TOR1AIP2: variants seen among roughly 807,000 people sequenced by gnomAD.
TOR1AIP2 encodes torsin 1A interacting protein 2, also known as torsin-1A-interacting protein 2.
A neutral mutation model predicts 32.6 loss-of-function variants in TOR1AIP2; 20 were observed. The observed-to-expected ratio is 0.61, with a 90% CI of 0.43 to 0.89. The LOEUF (loss-of-function observed/expected upper bound fraction) is 0.89. TOR1AIP2 is among the 40% of genes least tolerant of loss of function. TOR1AIP2 has a pLI of 0.00. For synonymous variants in TOR1AIP2, 214 were observed against 210.8 expected, an observed-to-expected ratio of 1.02 and a Z score of -0.13; for missense variants, 456 against 553.8, an observed-to-expected ratio of 0.82 and a Z score of 1.77.
In TOR1AIP2 at chr1:179,866,639, A is replaced by C. The variant is rs527326714; in HGVS notation, c.-565-785T>G. On this transcript the variant is annotated intron_variant, in intron 2 of 6. Transcript: ENST00000609928. The stretch of plus-strand genomic sequence containing the variant: ...AGGCTGGTCTCGAACTCCCGACCTC[A>C]GGTGATCCGCCCACCTTGGTTTCCC... 2.0e-5 allele frequency among the ~76,000 whole-genome samples: 3 copies of C among 152,282 alleles called. No homozygotes were observed. The South Asian group carries it at 6.2e-4, about 32-fold the overall frequency.
Position 179,846,624 on chromosome 1 carries a change from G to A in TOR1AIP2, c.860C>T (p.Ala287Val). 1 of 1,614,124 alleles carries A rather than the reference G, an allele frequency of 6.2e-7. No homozygotes were observed. Among genetic ancestry groups the A allele is most frequent in the Non-Finnish European group, 8.5e-7 (1 of 1,179,982 alleles). ...GRKFLQKHLN[A>V]SNPTEPATII... ...GGTGGCTGGCTCAGTGGGGTTGGAAGCATTGAGGTGCTTCTGGAGAAACTT... is the reference window on the plus strand; with the variant it reads ...GGTGGCTGGCTCAGTGGGGTTGGAAACATTGAGGTGCTTCTGGAGAAACTT... The change falls in exon 7 of 7, where the codon GCT becomes GTT. Residue 287 changes from alanine (A) to valine (V), a missense_variant. Ala to Val is a moderately conservative substitution (Grantham distance 64). Transcript: ENST00000609928.
rs2148439342 is a variant in TOR1AIP2, at chr1:179,859,118, T to C, written c.-146-6307A>G. 6.1e-6 allele frequency: 6 copies of C among 985,306 alleles called. No individual in the cohort carries two copies. In the South Asian group the frequency reaches 2.8e-4, roughly 46 times the overall value. The allele number at this position is 985,306 out of a possible 1,614,324, so 61.0% of individuals were successfully genotyped here. A position where few individuals can be genotyped will look rare whatever the true frequency, so the allele number is the denominator to read the frequency against. The stretch of plus-strand genomic sequence containing the variant: ...GGCTCTAGGGATAAAAAGAAACTGG[T>C]ATCTTGGCCCTGAAACAAGTAGTTA... On this transcript the variant is annotated intron_variant, in intron 3 of 6. Transcript: ENST00000609928.
chr1:179,858,822 C>A (rs962312664), intron 3 of TOR1AIP2, among the ~76,000 whole-genome samples: 1 of 152,012 alleles, frequency 6.6e-6, no homozygotes, highest in African/African-American at 2.4e-5. Flanking sequence ...ATTGCCATGG[C>A]GACCAGTGAA....
chr1:179,864,925 T>C lies in TOR1AIP2; in HGVS notation c.-147+511A>G, dbSNP rs189835019. ...GACCCAGAAGAAATGGATGGCAAGC[T>C]TTCTCAAAGGTCCATCTGGTGAGAT... On this transcript the variant is annotated intron_variant, in intron 3 of 6. Transcript: ENST00000609928. The C allele has an allele frequency of 7.1e-3, 11,476 of 1,614,050 alleles. 59 individuals are homozygous for C. Among genetic ancestry groups the C allele is most frequent in the Non-Finnish European group, 8.8e-3 (10,334 of 1,179,890 alleles).
At chr1:179,850,484 G>T (rs1416742320) in intron 5 of TOR1AIP2, among the ~76,000 whole-genome samples, 1 of 152,154 alleles carries the variant, frequency 6.6e-6, no homozygotes, top group Non-Finnish European at 1.5e-5. Context: ...AAAAGTAAAA[G>T]ATTTTAAAAA....
intron 3 of TOR1AIP2, chr1:179,862,593 T>C (rs996928662): frequency 3.2e-5 from 32 of 985,308 alleles, no homozygotes; most frequent in Non-Finnish European, 3.9e-5. Flanking sequence ...AAGTATGATT[T>C]GTTGCACACC....
chr1:179,876,072 C>G (rs902782787), intron 2 of TOR1AIP2: 5 of 152,144 alleles, frequency 3.3e-5, no homozygotes, highest in Middle Eastern at 3.2e-3. Context: ...TGGGCCTTCA[C>G]AGTTGACTTA....
rs397754674 is a variant in TOR1AIP2 at position 179,843,820 on chromosome 1, CAAAAAAAAAAA to C, written c.*2240_*2250del. On this transcript the variant is annotated 3_prime_UTR_variant, in exon 7 of 7. Transcript: ENST00000609928. ...TGGGAGTCAGAGTGAGACTCCATCT[CAAAAAAAAAAA>C]AAAAAAAAAAAGACTTTTGAAATAG... 1.8e-5 allele frequency: 1 copy of C among 55,500 alleles called. No individual in the cohort carries two copies. The highest frequency in any genetic ancestry group is 2.2e-4 in the Admixed American group (1 of 4,570). 3.4% of individuals were successfully genotyped at this position (55,500 alleles called of 1,614,324 possible). A position where few individuals can be genotyped will look rare whatever the true frequency, so the allele number is the denominator to read the frequency against.
At chr1:179,870,166 G>A (rs1290249080) in intron 2 of TOR1AIP2, among the ~76,000 whole-genome samples, 2 of 152,218 alleles carry the variant, frequency 1.3e-5, no homozygotes, top group Non-Finnish European at 1.5e-5. Flanking sequence ...GGAGGCCAAG[G>A]CGGGTGGATC....
rs1318797934 is a variant in TOR1AIP2, at chr1:179,841,274, G to T, written c.*4797C>A. 1 of 152,114 alleles carries T rather than the reference G, an allele frequency of 6.6e-6. No homozygotes were observed. Among genetic ancestry groups the T allele is most frequent in the African/African-American group, 2.4e-5 (1 of 41,400 alleles). The allele number at this position is 152,114 out of a possible 1,614,324, so 9.4% of individuals were successfully genotyped here. A position where few individuals can be genotyped will look rare whatever the true frequency, so the allele number is the denominator to read the frequency against. ...CTTCTCAACAAATACATTTTAAAAT[G>T]AAATATGCTCAGGCTGATAAACAAA... On this transcript the variant is annotated 3_prime_UTR_variant, in exon 7 of 7. Transcript: ENST00000609928.
At chr1:179,865,074 A>G (rs1696714121) in intron 3 of TOR1AIP2, 8 of 1,613,954 alleles carry the variant, frequency 5.0e-6, no homozygotes, top group African/African-American at 1.3e-5. Context: ...ACCTGGTAAC[A>G]TTCATTTTCA....
rs145718984 is a variant in TOR1AIP2 at position 179,843,212 on chromosome 1, A to T, written c.*2859T>A. 0.011 allele frequency: 1,619 copies of T among 152,264 alleles called. 16 individuals carry two copies. Among genetic ancestry groups the T allele is most frequent in the Middle Eastern group, 0.044 (13 of 294 alleles). The allele number at this position is 152,264 out of a possible 1,614,324, so 9.4% of individuals were successfully genotyped here. A position where few individuals can be genotyped will look rare whatever the true frequency, so the allele number is the denominator to read the frequency against. ...GAGCTAATATACTGCTTCTTTTAAA[A>T]ATGATTTTTGAGGCCAGGTGCAGTG... On this transcript the variant is annotated 3_prime_UTR_variant, in exon 7 of 7. Coordinates refer to ENST00000609928, the MANE Select transcript of TOR1AIP2 (RefSeq NM_001199260.2).
chr1:179,869,380 G>A (rs1336622326), intron 2 of TOR1AIP2, among the ~76,000 whole-genome samples: 3 of 152,142 alleles, frequency 2.0e-5, no homozygotes, highest in African/African-American at 7.2e-5. Flanking sequence ...GGCATTCAAA[G>A]AATTTCAAAG....
At chr1:179,864,035 G>A (rs1187815815) in intron 3 of TOR1AIP2, 1 of 985,274 alleles carries the variant, frequency 1.0e-6, no homozygotes, top group Non-Finnish European at 1.2e-6. Flanking sequence ...ATTTCCAGGG[G>A]AGGACGTTGT....
In TOR1AIP2 at chr1:179,865,249, C is replaced by T. The variant is rs1353938369; in HGVS notation, c.-147+187G>A. 7 of 1,506,588 alleles carry T rather than the reference C, an allele frequency of 4.6e-6. No individual in the cohort carries two copies. The Admixed American group carries it at 1.1e-4, about 24-fold the overall frequency. The allele number at this position is 1,506,588 out of a possible 1,614,324, so 93.3% of individuals were successfully genotyped here. ...ACAGTGACAGAGAGAGACGCCCAAA[C>T]ACCAGTCCTATTACAGGTTTCGTTT... On this transcript the variant is annotated intron_variant, in intron 3 of 6. Transcript: ENST00000609928.
chr1:179,870,594 T>C (rs746425078), intron 2 of TOR1AIP2, among the ~76,000 whole-genome samples: 1 of 151,036 alleles, frequency 6.6e-6, no homozygotes, highest in African/African-American at 2.4e-5. Context: ...GTCCAAACAA[T>C]CTGCAGTCTT....
Position 179,843,510 on chromosome 1 carries a change from C to CA in TOR1AIP2, c.*2560dup, listed in dbSNP as rs1171986747. 0.28 allele frequency: 19,668 copies of CA among 71,510 alleles called. 2,170 individuals carry two copies. The highest frequency in any genetic ancestry group is 0.3 in the Non-Finnish European group (11,075 of 36,542). 4.4% of individuals were successfully genotyped at this position (71,510 alleles called of 1,614,324 possible). On this transcript the variant is annotated 3_prime_UTR_variant, in exon 7 of 7. Transcript: ENST00000609928. Reference sequence around the variant, plus strand: ...TGGGTGACAGAGCAAGACCTTCTCTCAAAAAAAAAAAAAAAAAAAAAAGAA... The same window carrying CA: ...TGGGTGACAGAGCAAGACCTTCTCTCAAAAAAAAAAAAAAAAAAAAAAAGAA...
rs149220467 is a variant in TOR1AIP2 at position 179,855,810 on chromosome 1, A to G, written c.-146-2999T>C. On this transcript the variant is annotated intron_variant, in intron 3 of 6. Transcript: ENST00000609928. ...GAAAGTGGGTTTAAAAAATTGTCAT[A>G]TTCTTACAATGTAATATTATGCATA... Among the ~76,000 whole-genome samples the G allele has an allele frequency of 7.5e-3, 1,142 of 152,366 alleles. 8 individuals carry two copies. Among genetic ancestry groups the G allele is most frequent in the Non-Finnish European group, 0.013 (915 of 68,034 alleles).
chr1:179,872,895 T>A (rs1697064622), intron 2 of TOR1AIP2, among the ~76,000 whole-genome samples: 1 of 152,236 alleles, frequency 6.6e-6, no homozygotes, highest in South Asian at 2.1e-4. Context: ...AACTTTTTAT[T>A]TTGAACTAAT....
Sources: gnomAD v4.1 joint callset for allele counts (sites outside exome capture counted in the v4.1 genomes callset) on GRCh38, gnomAD v4.1.1 for gene constraint, MANE v1.5 for transcripts, NCBI Gene and HGNC (gene_info 2026-07-23, HGNC 2026-07-21) for gene names.